Variants in ANGPTL6 observed in about 807,000 individuals in gnomAD.
ANGPTL6 encodes the protein angiopoietin-related protein 6.
Under a neutral mutation model 47.4 loss-of-function variants are expected in ANGPTL6, and 45 were observed. The observed-to-expected ratio is 0.95, with a 90% CI of 0.75 to 1.22. ANGPTL6 has a LOEUF of 1.22. ANGPTL6 is among the 50% of genes most tolerant of loss of function. The pLI, the probability that ANGPTL6 is intolerant of heterozygous loss-of-function variation, is 0.00. For synonymous variants in ANGPTL6, 290 were observed against 295.9 expected, an observed-to-expected ratio of 0.98 and a Z score of 0.20; for missense variants, 698 against 669.4, an observed-to-expected ratio of 1.04 and a Z score of -0.47.
chr19:10,104,911 T>A (rs1242871635), upstream of ANGPTL6, among the ~76,000 whole-genome samples: 1 of 152,188 alleles, frequency 6.6e-6, no homozygotes, highest in Non-Finnish European at 1.5e-5. Flanking sequence ...GGTCACCGTC[T>A]GTCTCCCACA....
chr19:10,103,918 C>T (rs929766691), upstream of ANGPTL6, among the ~76,000 whole-genome samples: 9 of 151,182 alleles, frequency 6.0e-5, no homozygotes, highest in East Asian at 1.9e-4. Flanking sequence ...GATGGTGAAA[C>T]CCCGTCTCTA....
intron 5 of ANGPTL6, chr19:10,093,110 T>C: frequency 1.8e-6 from 1 of 563,742 alleles, no homozygotes; most frequent in Non-Finnish European, 3.1e-6. Context: ...TCTCACCCTC[T>C]GCCCTTTACT....
At position 10,096,066 on chromosome 19, in the gene ANGPTL6, C is replaced by G. The variant is rs1323431759; in HGVS notation, c.498G>C (p.Glu166Asp). 4.0e-6 allele frequency: 6 copies of G among 1,482,100 alleles called. No individual in the cohort carries two copies. The South Asian group carries it at 7.6e-5, about 19-fold the overall frequency. The allele number at this position is 1,482,100 out of a possible 1,614,324, so 91.8% of individuals were successfully genotyped here. The change falls in exon 2 of 6, where the codon GAG becomes GAC. Residue 166 changes from glutamate to aspartate, a missense_variant. Glu to Asp is a conservative substitution (Grantham distance 45). Transcript: ENST00000253109. ...RFHQLDVKFR[E>D]LAQLVTQQSS... The stretch of plus-strand genomic sequence containing the variant: ...TCTGCTGGGTGACGAGCTGCGCCAG[C>G]TCGCGGAACTTGACGTCCAGCTGGT...
In ANGPTL6 at chr19:10,095,973, C is replaced by T; in HGVS notation, c.582+9G>A. Reference sequence around the variant, plus strand: ...ACGATGCTGCTCTCCGGGGAGGCTGCGAGGTTACCTGCTGCTGCCCGCCCG... The same window carrying T: ...ACGATGCTGCTCTCCGGGGAGGCTGTGAGGTTACCTGCTGCTGCCCGCCCG... On this transcript the variant is annotated intron_variant, in intron 2 of 5. Transcript: ENST00000253109. 7.6e-7 allele frequency: 1 copy of T among 1,311,034 alleles called. No individual in the cohort carries two copies. The highest frequency in any genetic ancestry group is 9.7e-7 in the Non-Finnish European group (1 of 1,026,204). 81.2% of individuals were successfully genotyped at this position (1,311,034 alleles called of 1,614,324 possible).
At chr19:10,103,006 C>G (rs1053525919), upstream of ANGPTL6, among the ~76,000 whole-genome samples, 1 of 151,812 alleles carries the variant, frequency 6.6e-6, no homozygotes, top group Non-Finnish European at 1.5e-5. Flanking sequence ...TGGGGACTTA[C>G]CGTGTGTAGG....
intron 2 of ANGPTL6, 117 bp from the exon 3 acceptor site, chr19:10,095,055 C>G: frequency 9.2e-7 from 1 of 1,081,840 alleles, no homozygotes; most frequent in Non-Finnish European, 1.3e-6. Flanking sequence ...GGACATCTGG[C>G]AGTGGGGGTG....
chr19:10,093,468 G>C lies in ANGPTL6; in HGVS notation c.1103C>G (p.Pro368Arg), dbSNP rs764970379. The C allele has an allele frequency of 7.4e-6, 12 of 1,614,230 alleles. No homozygotes were observed. The highest frequency in any genetic ancestry group is 1.0e-5 in the Non-Finnish European group (12 of 1,180,046). Residue 368 changes from proline (P) to arginine (R), a missense_variant, in exon 5 of 6, where the codon CCC becomes CGC. Physicochemically the swap from Pro to Arg is moderately radical, Grantham distance 103. Coordinates refer to ENST00000253109, the MANE Select transcript of ANGPTL6 (RefSeq NM_031917.3). ...RAHYDGFSLE[P>R]ESDHYRLRLG... ...CCGCAGGCGGTAGTGGTCGCTCTCG[G>C]GTTCCAGGGAGAAGCCATCATAGTG...
chr19:10,093,229 G>A, intron 5 of ANGPTL6, 120 bp downstream of exon 5: 1 of 1,322,640 alleles, frequency 7.6e-7, no homozygotes, highest in Non-Finnish European at 1.0e-6. Flanking sequence ...CGGAATAAAA[G>A]CTTGCTTATC....
intron 1 of ANGPTL6, among the ~76,000 whole-genome samples, chr19:10,100,255 GA>G (rs1268882694): frequency 6.6e-6 from 1 of 151,376 alleles, no homozygotes; most frequent in Admixed American, 6.6e-5. Flanking sequence ...CAAAAAAAAA[GA>G]AAAAAAAGAG....
chr19:10,094,640 A>T, intron 3 of ANGPTL6, 118 bp downstream of exon 3: 1 of 1,261,678 alleles, frequency 7.9e-7, no homozygotes, highest in Non-Finnish European at 1.1e-6. Context: ...TCTTATTTTT[A>T]ATCAGAATAG....
chr19:10,102,115 CAAAAAAAAAAAA>C (rs111902676), intron 1 of ANGPTL6, among the ~76,000 whole-genome samples: 1 of 43,768 alleles, frequency 2.3e-5, no homozygotes, highest in Admixed American at 2.5e-4. Context: ...GACTCTGTCT[CAAAAAAAAAAAA>C]AAAAAAAAAA....
rs1341648403 is a variant in ANGPTL6 at position 10,096,270 on chromosome 19, C to T, written c.294G>A (p.Lys98=). The T allele has an allele frequency of 8.3e-7, 1 of 1,204,424 alleles. No homozygotes were observed. Among genetic ancestry groups the T allele is most frequent in the East Asian group, 3.6e-5 (1 of 27,926 alleles). The allele number at this position is 1,204,424 out of a possible 1,614,324, so 74.6% of individuals were successfully genotyped here. Residue 98 remains lysine, a synonymous_variant, in exon 2 of 6, where the codon AAG becomes AAA. Transcript: ENST00000253109. ...AVAGEVRALR[K]ESRGLSARLG... is the part of the protein sequence containing the mutation. ...GGCGCGCGCTCAGGCCGCGGCTCTC[C>T]TTGCGCAGCGCGCGCACCTCGCCGG...
At chr19:10,103,430 C>A (rs543348268), upstream of ANGPTL6, among the ~76,000 whole-genome samples, 62 of 151,224 alleles carry the variant, frequency 4.1e-4, 1 homozygote, top group African/African-American at 1.3e-3. Context: ...TCTCTACTAA[C>A]AATACAAAAA....
upstream of ANGPTL6, among the ~76,000 whole-genome samples, chr19:10,105,958 G>A (rs2088809528): frequency 6.6e-6 from 1 of 152,212 alleles, no homozygotes; most frequent in Non-Finnish European, 1.5e-5. Context: ...GTGAATGATT[G>A]CCACAGTCAT....
At chr19:10,094,980 C>T in intron 2 of ANGPTL6, 42 bp from the exon 3 acceptor site, 1 of 1,545,806 alleles carries the variant, frequency 6.5e-7, no homozygotes, top group Non-Finnish European at 8.7e-7. Flanking sequence ...CACTAACCCT[C>T]AGGCCAGGAG....
intron 1 of ANGPTL6, among the ~76,000 whole-genome samples, chr19:10,100,483 A>G (rs987520212): frequency 2.0e-5 from 3 of 152,102 alleles, no homozygotes; most frequent in Non-Finnish European, 4.4e-5. Context: ...TGATCCTCCC[A>G]CCTTGGACTC....
intron 2 of ANGPTL6, among the ~76,000 whole-genome samples, 176 bp downstream of exon 2, chr19:10,095,806 T>A (rs527312411): frequency 1.3e-5 from 2 of 152,338 alleles, no homozygotes; most frequent in South Asian, 4.1e-4. Flanking sequence ...AGTGGTTAAG[T>A]GAAGGCTATA....
rs202180663 is a variant in ANGPTL6, at chr19:10,093,533, C to G, written c.1038G>C (p.Leu346=). ...GGCCCCCCCAGTCCTCCAGGAGAAC[C>G]AGCAGCTCATGGTCCCCACGGCTGG... ...QLTSRGDHEL[L]VLLEDWGGRG... Residue 346 remains leucine, a synonymous_variant, in exon 5 of 6, where the codon CTG becomes CTC. Coordinates refer to ENST00000253109, the MANE Select transcript of ANGPTL6 (RefSeq NM_031917.3). 28 of 1,614,162 alleles carry G rather than the reference C, an allele frequency of 1.7e-5. No individual in the cohort carries two copies. The East Asian group carries it at 5.8e-4, about 33-fold the overall frequency.
At chr19:10,102,268 A>G (rs2088699966) in intron 1 of ANGPTL6, among the ~76,000 whole-genome samples, 1 of 151,626 alleles carries the variant, frequency 6.6e-6, no homozygotes, top group Admixed American at 6.6e-5. Context: ...TGAGTCAGGC[A>G]GGAGCCATGG....
Sources: allele counts gnomAD v4.1 joint callset (sites outside exome capture counted in the v4.1 genomes callset), GRCh38; gene constraint gnomAD v4.1.1; transcripts MANE v1.5; gene names NCBI Gene and HGNC (gene_info 2026-07-23, HGNC 2026-07-21).